The following VWA8 variants were observed in gnomAD, a reference collection of about 807,000 sequenced individuals.
VWA8 encodes von Willebrand factor A domain-containing protein 8.
In VWA8, 221 loss-of-function variants were observed where a neutral mutation model predicts 241.5. That is an observed-to-expected ratio of 0.91 (90% confidence interval 0.82 to 1.02). VWA8 has a LOEUF of 1.02. Ranked by LOEUF, VWA8 falls within the 50% of genes least tolerant of loss-of-function variation. The probability of loss-of-function intolerance (pLI) is 0.00; values close to 1 mark genes in which losing one functional copy is unlikely to be tolerated. For synonymous variants in VWA8, 852 were observed against 827.1 expected (o/e 1.03, Z -0.52); for missense variants, 2,322 against 2,328.7 (o/e 1.00, Z 0.06).
intron 42 of VWA8, among the ~76,000 whole-genome samples, chr13:41,584,761 T>C (rs1200972014): frequency 6.6e-6 from 1 of 152,208 alleles, no homozygotes; most frequent in Non-Finnish European, 1.5e-5. Context: ...TTAACTATGG[T>C]TGTCTTCTCA....
At chr13:41,704,105 A>G (rs1230448508) in intron 26 of VWA8, among the ~76,000 whole-genome samples, 1 of 152,208 alleles carries the variant, frequency 6.6e-6, no homozygotes, top group Non-Finnish European at 1.5e-5. Flanking sequence ...ACACCATACT[A>G]CTAGTCCCAC....
At chr13:41,620,854 T>A (rs1468009630) in intron 37 of VWA8, among the ~76,000 whole-genome samples, 1 of 152,218 alleles carries the variant, frequency 6.6e-6, no homozygotes, top group African/African-American at 2.4e-5. Context: ...CTGGTAAACT[T>A]TGGCAAGTCA....
chr13:41,574,959 G>A (rs2044341392), intron 43 of VWA8, among the ~76,000 whole-genome samples: 1 of 152,110 alleles, frequency 6.6e-6, no homozygotes, highest in Non-Finnish European at 1.5e-5. Context: ...AAGACAACAT[G>A]CACACACGTT....
intron 4 of VWA8, among the ~76,000 whole-genome samples, chr13:41,904,070 ATTTATAAAC>A (rs1055804194): frequency 6.6e-6 from 1 of 152,180 alleles, no homozygotes; most frequent in Non-Finnish European, 1.5e-5. Context: ...CACTTAAAAT[ATTTATAAAC>A]TTTATAAACT....
intron 20 of VWA8, among the ~76,000 whole-genome samples, chr13:41,763,007 C>A (rs529606138): frequency 6.6e-6 from 1 of 152,060 alleles, no homozygotes; most frequent in Non-Finnish European, 1.5e-5. Context: ...ATGACTCACA[C>A]CAGTAATCCC....
rs1275770787 is a variant in VWA8 at position 41,732,134 on chromosome 13, A to T, written c.2448T>A (p.Leu816=). The change falls in exon 22 of 45, where the codon CTT becomes CTA. Residue 816 remains leucine, a synonymous_variant. Transcript: ENST00000379310. The part of the protein sequence containing the change: ...QLHRDTTVQT[L]TLQPSVKDGL... The stretch of plus-strand genomic sequence containing the variant: ...CGTCTTTAACCGAAGGCTGAAGCGT[A>T]AGAGTTTGTACTGTGGTATCCCTAA... The T allele has an allele frequency of 8.1e-6, 13 of 1,613,230 alleles. No individual in the cohort carries two copies. Among genetic ancestry groups the T allele is most frequent in the Non-Finnish European group, 1.1e-5 (13 of 1,179,534 alleles).
chr13:41,691,886 T>C lies in VWA8; in HGVS notation c.3728A>G (p.Tyr1243Cys), dbSNP rs2045180569. The change falls in exon 31 of 45, where the codon TAC becomes TGC. Residue 1243 changes from tyrosine to cysteine, a missense_variant. By Grantham distance (194) the Tyr-to-Cys change is radical. Coordinates refer to ENST00000379310, the MANE Select transcript of VWA8 (RefSeq NM_015058.2). ...ATAAAGAGCTCACCCTTTTTCTTTG[T>C]AGAACACCAGCCAGTTTTTGTGTGA... is the stretch of plus-strand genomic sequence containing the variant. ...EFSHKNWLVF[Y>C]KEKGNSLTVL... 5 of 1,610,378 alleles carry C rather than the reference T, an allele frequency of 3.1e-6. No individual in the cohort carries two copies. The highest frequency in any genetic ancestry group is 1.3e-5 in the African/African-American group (1 of 74,800).
At chr13:41,724,196 TG>T (rs1196446433) in intron 24 of VWA8, among the ~76,000 whole-genome samples, 1 of 152,116 alleles carries the variant, frequency 6.6e-6, no homozygotes, top group African/African-American at 2.4e-5. Context: ...ACAGTTTCTG[TG>T]GAGTAATGGG....
At chr13:41,884,994 C>T (rs958655035) in intron 8 of VWA8, among the ~76,000 whole-genome samples, 1 of 152,116 alleles carries the variant, frequency 6.6e-6, no homozygotes. Flanking sequence ...ATGGTGCCCT[C>T]CTCCACAGGG....
chr13:41,871,300 TA>T (rs1873597607), intron 9 of VWA8, among the ~76,000 whole-genome samples: 1 of 152,210 alleles, frequency 6.6e-6, no homozygotes. Flanking sequence ...TTTTCTTTTT[TA>T]TTTTTTTAAA....
At chr13:41,680,058 T>G (rs1217453037) in intron 35 of VWA8, among the ~76,000 whole-genome samples, 1 of 151,984 alleles carries the variant, frequency 6.6e-6, no homozygotes, top group African/African-American at 2.4e-5. Flanking sequence ...CCCCCAAACA[T>G]TCATATAATT....
At position 41,583,642 on chromosome 13, in the gene VWA8, C is replaced by CAAA. The variant is rs935505646; in HGVS notation, c.5271+3867_5271+3869dup. 2.9e-4 allele frequency among the ~76,000 whole-genome samples: 12 copies of CAAA among 42,090 alleles called. No homozygotes were observed. The South Asian group carries it at 4.3e-3, about 15-fold the overall frequency. 27.6% of individuals were successfully genotyped at this position (42,090 alleles called of 152,430 possible). On this transcript the variant is annotated intron_variant, in intron 42 of 44. Coordinates refer to ENST00000379310, the MANE Select transcript of VWA8 (RefSeq NM_015058.2). ...TGGGTGACCGAGCAAGACTCCATCT[C>CAAA]AAAAAAAAAAAAAAAAAAAACAAAC...
chr13:41,690,731 A>C (rs1373193973), intron 32 of VWA8, among the ~76,000 whole-genome samples: 1 of 152,152 alleles, frequency 6.6e-6, no homozygotes, highest in Non-Finnish European at 1.5e-5. Flanking sequence ...AATCCTCTGC[A>C]ATGAGATACT....
chr13:41,699,202 C>A lies in VWA8; in HGVS notation c.3433G>T (p.Gly1145Trp), dbSNP rs932852567. Residue 1145 changes from glycine to tryptophan, a missense_variant, in exon 29 of 45, where the codon GGG becomes TGG. Physicochemically the swap from Gly to Trp is radical, Grantham distance 184. Transcript: ENST00000379310. ...PASLYFMNMT[G>W]KSGFFVDFFD... Reference sequence around the variant, plus strand: ...AAGTCCACAAAGAAGCCACTTTTCCCAGTCATATTCATAAAGTACAGGGAA... The same window carrying A: ...AAGTCCACAAAGAAGCCACTTTTCCAAGTCATATTCATAAAGTACAGGGAA... The A allele has an allele frequency of 6.2e-7, 1 of 1,614,154 alleles. No homozygotes were observed. The highest frequency in any genetic ancestry group is 8.5e-7 in the Non-Finnish European group (1 of 1,180,006).
chr13:41,960,671 GC>G (rs1203100249), intron 1 of VWA8, among the ~76,000 whole-genome samples, 181 bp downstream of exon 1: 2 of 152,164 alleles, frequency 1.3e-5, no homozygotes, highest in Non-Finnish European at 2.9e-5. Context: ...CGAGCGCCTT[GC>G]CCCCACGTTA....
At chr13:41,644,327 T>A (rs1376270731) in intron 37 of VWA8, among the ~76,000 whole-genome samples, 1 of 151,952 alleles carries the variant, frequency 6.6e-6, no homozygotes, top group Non-Finnish European at 1.5e-5. Flanking sequence ...CCATATGCAC[T>A]TCTCTAGGAT....
intron 4 of VWA8, among the ~76,000 whole-genome samples, chr13:41,898,577 TGGCAC>T (rs1875256668): frequency 6.6e-6 from 1 of 152,242 alleles, no homozygotes; most frequent in South Asian, 2.1e-4. Flanking sequence ...CGCCATGCGC[TGGCAC>T]TCCTCAGCCC....
At chr13:41,636,306 G>C (rs1386080978) in intron 37 of VWA8, among the ~76,000 whole-genome samples, 1 of 152,112 alleles carries the variant, frequency 6.6e-6, no homozygotes, top group South Asian at 2.1e-4. Flanking sequence ...TGACAAACCT[G>C]ACAAAAACAA....
intron 37 of VWA8, among the ~76,000 whole-genome samples, chr13:41,662,212 T>G (rs2139695623): frequency 6.6e-6 from 1 of 152,298 alleles, no homozygotes; most frequent in East Asian, 1.9e-4. Flanking sequence ...GTGTTAAATC[T>G]GTAGGCCAAT....
Sources: gnomAD v4.1 joint callset for allele counts (sites outside exome capture counted in the v4.1 genomes callset) on GRCh38, gnomAD v4.1.1 for gene constraint, MANE v1.5 for transcripts, NCBI Gene and HGNC (gene_info 2026-07-23, HGNC 2026-07-21) for gene names.